The following ABCG1 variants were observed in gnomAD, a reference collection of about 807,000 sequenced individuals.
The protein encoded by ABCG1 is ATP-binding cassette sub-family G member 1.
Under a neutral mutation model 69.2 loss-of-function variants are expected in ABCG1, and 29 were observed. The ratio of observed to expected loss-of-function variants is 0.42; its 90% CI spans 0.31 to 0.57. ABCG1 has a LOEUF of 0.57. Ranked by LOEUF, ABCG1 falls within the 20% of genes least tolerant of loss-of-function variation. ABCG1 has a pLI of 0.15. For synonymous variants in ABCG1, 370 were observed against 374.8 expected (o/e 0.99, Z 0.15); for missense variants, 718 against 898.1 (o/e 0.80, Z 2.56).
At chr21:42,279,068 G>A (rs557446454) in intron 5 of ABCG1, among the ~76,000 whole-genome samples, 8 of 152,094 alleles carry the variant, frequency 5.3e-5, no homozygotes, top group East Asian at 3.9e-4. Flanking sequence ...CCCATCCCCC[G>A]GCCTCCCTGC....
intron 1 of ABCG1, among the ~76,000 whole-genome samples, chr21:42,224,770 T>C (rs778611572): frequency 3.3e-5 from 5 of 152,190 alleles, no homozygotes; most frequent in Non-Finnish European, 7.3e-5. Flanking sequence ...TGAAGCTTAT[T>C]GATTTGCTCA....
chr21:42,276,641 T>G lies in ABCG1; in HGVS notation c.538-254T>G. On this transcript the variant is annotated intron_variant, in intron 4 of 14. Coordinates refer to ENST00000398449, the MANE Select transcript of ABCG1 (RefSeq NM_016818.3). This position sits in a 1 kb window ranked among gnomAD's most constrained non-coding sequence, Gnocchi z 5.3. The stretch of plus-strand genomic sequence containing the variant: ...CCGTGGCTAGCTGCATGGTGGCTAG[T>G]TGCACCGTGGCTAGTGGCCTTATGC... 1 of 448,058 alleles carries G rather than the reference T, an allele frequency of 2.2e-6. No homozygotes were observed. Among genetic ancestry groups the G allele is most frequent in the East Asian group, 3.6e-5 (1 of 27,670 alleles). 27.8% of individuals were successfully genotyped at this position (448,058 alleles called of 1,614,324 possible).
chr21:42,202,341 T>G (rs2067512692), intron 2 of ABCG1, among the ~76,000 whole-genome samples: 1 of 152,206 alleles, frequency 6.6e-6, no homozygotes, highest in African/African-American at 2.4e-5. Flanking sequence ...GATCTCAGGC[T>G]GGTGGGAGTG....
chr21:42,246,571 T>C (rs1356060218), intron 2 of ABCG1, among the ~76,000 whole-genome samples: 1 of 152,260 alleles, frequency 6.6e-6, no homozygotes, highest in African/African-American at 2.4e-5. Flanking sequence ...GTAACAAATG[T>C]AATTTCAAGA....
chr21:42,230,337 C>T (rs2067882834), intron 2 of ABCG1, among the ~76,000 whole-genome samples: 1 of 152,164 alleles, frequency 6.6e-6, no homozygotes, highest in Non-Finnish European at 1.5e-5. Flanking sequence ...GGATAATTTC[C>T]CCGGCCTCAG....
chr21:42,273,276 C>T lies in ABCG1; in HGVS notation c.405-27C>T, dbSNP rs368735727. The T allele has an allele frequency of 1.6e-4, 251 of 1,598,864 alleles. No homozygotes were observed. The African/African-American group carries it at 2.7e-3, about 17-fold the overall frequency. On this transcript the variant is annotated intron_variant, in intron 3 of 14. Transcript: ENST00000398449. The surrounding 1 kb of genome is among the most constrained non-coding windows in gnomAD (Gnocchi z 5.3). ...GGAGGAGGAGCAGGAGCCCGGCTGA[C>T]GGCTTCTCCTGTCCTTGGTTCTGCA...
At chr21:42,259,899 C>T in intron 2 of ABCG1, 1 of 1,449,676 alleles carries the variant, frequency 6.9e-7, no homozygotes, top group Non-Finnish European at 9.1e-7. Flanking sequence ...AGAAAGAAGG[C>T]CCCCAGGCTT....
Position 42,273,489 on chromosome 21 carries a change from C to T in ABCG1, c.537+54C>T. On this transcript the variant is annotated intron_variant, in intron 4 of 14. Coordinates refer to ENST00000398449, the MANE Select transcript of ABCG1 (RefSeq NM_016818.3). This position sits in a 1 kb window ranked among gnomAD's most constrained non-coding sequence, Gnocchi z 5.3. ...CGCCCCTGCCGCCTGTCCCCAGCGC[C>T]CACATTAGACACAGCACTGGCCGAG... The T allele has an allele frequency of 6.3e-7, 1 of 1,581,890 alleles. No individual in the cohort carries two copies. The highest frequency in any genetic ancestry group is 8.6e-7 in the Non-Finnish European group (1 of 1,162,628).
intron 2 of ABCG1, among the ~76,000 whole-genome samples, chr21:42,251,161 C>G (rs1281843245): frequency 6.6e-6 from 1 of 152,198 alleles, no homozygotes; most frequent in Non-Finnish European, 1.5e-5. Context: ...AGTTTGCCTC[C>G]AGGCCCTACT....
Position 42,288,303 on chromosome 21 carries a change from G to T in ABCG1, c.1215G>T (p.Met405Ile). Residue 405 changes from methionine (M) to isoleucine (I), a missense_variant, in exon 10 of 15, where the codon ATG (methionine) becomes ATT (isoleucine). By Grantham distance (10) the Met-to-Ile change is conservative. Transcript: ENST00000398449. This position sits in a 1 kb window ranked among gnomAD's most constrained non-coding sequence, Gnocchi z 4.8. ...TCAAGAGGACCTTCCTCAGCATCAT[G>T]AGGGACTCGGTAAGGCTGCCCGCAT... The part of the protein sequence containing the change: ...ILFKRTFLSI[M>I]RDSVLTHLRI... The T allele has an allele frequency of 6.2e-7, 1 of 1,601,258 alleles. No homozygotes were observed. The highest frequency in any genetic ancestry group is 8.5e-7 in the Non-Finnish European group (1 of 1,173,120).
chr21:42,203,683 C>A (rs1157730076), intron 2 of ABCG1, among the ~76,000 whole-genome samples: 1 of 152,192 alleles, frequency 6.6e-6, no homozygotes, highest in African/African-American at 2.4e-5. Context: ...ACCAGGTAAG[C>A]TGATTTCTCC....
At position 42,219,945 on chromosome 21, in the gene ABCG1, GGA is replaced by G. The variant is rs1569204909; in HGVS notation, c.42+650_42+651del. On this transcript the variant is annotated intron_variant, in intron 1 of 14. Transcript: ENST00000398449. The surrounding 1 kb of genome is among the most constrained non-coding windows in gnomAD (Gnocchi z 5.3). ...TGCCGGCCGCCTTTCTGCGCGCGCC[GGA>G]GAGAGAGACGCGGTGGGGACAGGGA... 3 of 1,551,132 alleles carry G rather than the reference GGA, an allele frequency of 1.9e-6. No individual in the cohort carries two copies. Among genetic ancestry groups the G allele is most frequent in the South Asian group, 1.2e-5 (1 of 84,050 alleles).
intron 5 of ABCG1, among the ~76,000 whole-genome samples, chr21:42,280,164 A>G (rs1471876066): frequency 2.0e-5 from 3 of 152,220 alleles, no homozygotes; most frequent in African/African-American, 7.2e-5. Flanking sequence ...GCACAGGTGC[A>G]TGCCTCGCCA....
chr21:42,259,435 A>G, intron 2 of ABCG1: 3 of 1,549,644 alleles, frequency 1.9e-6, no homozygotes, highest in Non-Finnish European at 2.6e-6. Context: ...CTTCAGGGAA[A>G]AAGGGTGCCG....
intron 2 of ABCG1, among the ~76,000 whole-genome samples, chr21:42,246,646 T>G (rs1040481432): frequency 6.6e-6 from 1 of 152,224 alleles, no homozygotes; most frequent in Non-Finnish European, 1.5e-5. Flanking sequence ...TAAAGACACA[T>G]GTATGATTAT....
chr21:42,282,693 G>A (rs1247834766), intron 6 of ABCG1, among the ~76,000 whole-genome samples: 1 of 152,254 alleles, frequency 6.6e-6, no homozygotes, highest in Non-Finnish European at 1.5e-5. Flanking sequence ...TCTCTTCCAT[G>A]ACACCAAGTT....
upstream of ABCG1, among the ~76,000 whole-genome samples, chr21:42,218,942 T>C (rs2067674203): frequency 1.3e-5 from 2 of 151,410 alleles, no homozygotes; most frequent in East Asian, 2.0e-4. Flanking sequence ...TGGCAGGGGG[T>C]TCCCATGCCG....
chr21:42,234,182 G>A (rs765955235), intron 2 of ABCG1, among the ~76,000 whole-genome samples: 1 of 152,140 alleles, frequency 6.6e-6, no homozygotes, highest in Non-Finnish European at 1.5e-5. Flanking sequence ...AGGGTGGAGG[G>A]GGAACGAGGG....
intron 1 of ABCG1, among the ~76,000 whole-genome samples, chr21:42,222,482 C>T (rs2067744424): frequency 6.6e-6 from 1 of 152,182 alleles, no homozygotes; most frequent in Admixed American, 6.5e-5. Flanking sequence ...GATGCCGAAA[C>T]ACCCACAACT....
Sources: gnomAD v4.1 joint callset for allele counts (sites outside exome capture counted in the v4.1 genomes callset) on GRCh38, gnomAD v4.1.1 for gene constraint, Gnocchi (gnomAD v3.1) non-coding constraint, MANE v1.5 for transcripts, NCBI Gene and HGNC (gene_info 2026-07-23, HGNC 2026-07-21) for gene names.